The following SYT16 variants were observed in gnomAD, a reference collection of about 807,000 sequenced individuals.
SYT16 encodes synaptotagmin-16.
In SYT16, 42 loss-of-function variants were observed where a neutral mutation model predicts 61.4. The ratio of observed to expected loss-of-function variants is 0.68; its 90% CI spans 0.53 to 0.89. The LOEUF (loss-of-function observed/expected upper bound fraction) is 0.89. Among genes scored for constraint, SYT16 ranks in the 40% least tolerant of loss-of-function variants. The pLI is 0.00. For synonymous variants in SYT16, 314 were observed against 302.3 expected (o/e 1.04, Z -0.40); for missense variants, 804 against 807.3 (o/e 1.00, Z 0.05).
At chr14:62,021,183 C>T (rs1017812738) in intron 3 of SYT16, among the ~76,000 whole-genome samples, 4 of 152,122 alleles carry the variant, frequency 2.6e-5, no homozygotes, top group Admixed American at 6.5e-5. Flanking sequence ...ATTGCTTTTA[C>T]GGTCACAATC....
At chr14:61,912,015 A>G (rs1201009077) in intron 1 of SYT16, among the ~76,000 whole-genome samples, 1 of 152,204 alleles carries the variant, frequency 6.6e-6, no homozygotes, top group Non-Finnish European at 1.5e-5. Context: ...GTACCTTACA[A>G]GACAGGCTGG....
chr14:62,018,298 C>CTTTTTTTTTTTTTTTTTTTTT lies in SYT16; in HGVS notation c.523+21764_523+21784dup, dbSNP rs776473522. On this transcript the variant is annotated intron_variant, in intron 3 of 7. Coordinates refer to ENST00000683842, the MANE Select transcript of SYT16 (RefSeq NM_001367656.1). ...GGGTCTTTCTCTTCTTCTTCTTCTT[C>CTTTTTTTTTTTTTTTTTTTTT]TTTTTTTTTTTTTTTTTTTTTTTTT... 7.7e-5 allele frequency among the ~76,000 whole-genome samples: 4 copies of CTTTTTTTTTTTTTTTTTTTTT among 51,642 alleles called. 1 individual carries two copies. The highest frequency in any genetic ancestry group is 6.0e-4 in the Admixed American group (2 of 3,326). 33.9% of individuals were successfully genotyped at this position (51,642 alleles called of 152,430 possible).
At chr14:61,921,417 A>C (rs1303690660) in intron 1 of SYT16, among the ~76,000 whole-genome samples, 2 of 152,192 alleles carry the variant, frequency 1.3e-5, no homozygotes, top group African/African-American at 4.8e-5. Context: ...GTTACTAATC[A>C]TAAGCAAGGG....
intron 1 of SYT16, among the ~76,000 whole-genome samples, chr14:61,839,642 T>C (rs1274441486): frequency 6.6e-6 from 1 of 152,146 alleles, no homozygotes; most frequent in African/African-American, 2.4e-5. Flanking sequence ...TGATGCACGT[T>C]TTGGAATTAT....
At chr14:61,853,304 C>T (rs2046673598) in intron 1 of SYT16, among the ~76,000 whole-genome samples, 1 of 152,178 alleles carries the variant, frequency 6.6e-6, no homozygotes, top group South Asian at 2.1e-4. Flanking sequence ...CACTGGGGCC[C>T]TTTAGAGGCT....
chr14:61,927,705 ACACT>A (rs1435068219), intron 1 of SYT16, among the ~76,000 whole-genome samples: 1 of 152,166 alleles, frequency 6.6e-6, no homozygotes, highest in Non-Finnish European at 1.5e-5. Context: ...GGTGAGTCTC[ACACT>A]CAAGTAAGCA....
rs1174757824 is a variant in SYT16, at chr14:62,106,666, G to A, written c.*5959G>A. On this transcript the variant is annotated 3_prime_UTR_variant, in exon 8 of 8. Transcript: ENST00000683842. ...CATCATAGAAAGTTTTCTCTGAAGA[G>A]TTCCTATTTGGGTTTTGTTTAGGGC... 1 of 152,184 alleles carries A rather than the reference G, an allele frequency of 6.6e-6. No individual in the cohort carries two copies. Among genetic ancestry groups the A allele is most frequent in the East Asian group, 1.9e-4 (1 of 5,192 alleles). The allele number at this position is 152,184 out of a possible 1,614,324, so 9.4% of individuals were successfully genotyped here. A position where few individuals can be genotyped will look rare whatever the true frequency, so the allele number is the denominator to read the frequency against.
intron 1 of SYT16, among the ~76,000 whole-genome samples, chr14:61,836,336 C>T (rs1342759508): frequency 5.9e-5 from 9 of 152,134 alleles, no homozygotes; most frequent in Non-Finnish European, 2.9e-5. Flanking sequence ...TGGCCCAGAT[C>T]GGCAAAGGAA....
chr14:62,102,586 G>T lies in SYT16; in HGVS notation c.*1879G>T, dbSNP rs2057442215. ...TCATTGAGTAGAACTGAGTGCGATT[G>T]ATTAAGTAGCAGCACAAAGAAGTGG... On this transcript the variant is annotated 3_prime_UTR_variant, in exon 8 of 8. Transcript: ENST00000683842. 6.6e-6 allele frequency: 1 copy of T among 152,092 alleles called. No homozygotes were observed. Among genetic ancestry groups the T allele is most frequent in the South Asian group, 2.1e-4 (1 of 4,822 alleles). 9.4% of individuals were successfully genotyped at this position (152,092 alleles called of 1,614,324 possible).
At chr14:61,813,699 G>A (rs1054562615) in intron 1 of SYT16, among the ~76,000 whole-genome samples, 9 of 152,060 alleles carry the variant, frequency 5.9e-5, no homozygotes, top group African/African-American at 2.2e-4. Flanking sequence ...CCAGGAGTGC[G>A]AGGCTGCTGT....
rs137902670 is a variant in SYT16, at chr14:61,943,873, T to C, written c.-324-26259T>C. On this transcript the variant is annotated intron_variant, in intron 1 of 7. Coordinates refer to ENST00000683842, the MANE Select transcript of SYT16 (RefSeq NM_001367656.1). ...CTCCTTTTCAAGATAATATTGAAAG[T>C]TCTGGCCAGGGCAATCAGGCAAGAG... Among the ~76,000 whole-genome samples, 84 of 152,316 alleles carry C rather than the reference T, an allele frequency of 5.5e-4. No individual in the cohort carries two copies. In the East Asian group the frequency reaches 0.015, roughly 28 times the overall value.
intron 1 of SYT16, among the ~76,000 whole-genome samples, chr14:61,945,147 C>T (rs1400152203): frequency 6.6e-6 from 1 of 152,216 alleles, no homozygotes; most frequent in Admixed American, 6.5e-5. Context: ...CTCATCATCA[C>T]TGGTCATTTG....
intron 1 of SYT16, among the ~76,000 whole-genome samples, chr14:61,885,577 T>A (rs1369076545): frequency 3.3e-5 from 5 of 152,176 alleles, no homozygotes; most frequent in African/African-American, 1.2e-4. Context: ...CAAGGAGACA[T>A]TTAGAAAACA....
intron 1 of SYT16, among the ~76,000 whole-genome samples, chr14:61,925,034 T>A (rs906596367): frequency 3.9e-5 from 6 of 152,220 alleles, no homozygotes; most frequent in African/African-American, 1.4e-4. Context: ...CTTAGTTATA[T>A]GGTTTCATCC....
intron 1 of SYT16, among the ~76,000 whole-genome samples, chr14:61,829,956 AT>A (rs2045888048): frequency 6.6e-6 from 1 of 152,050 alleles, no homozygotes; most frequent in African/African-American, 2.4e-5. Context: ...GCCCGGCTTT[AT>A]TGATATATTT....
At position 61,996,239 on chromosome 14, in the gene SYT16, A is replaced by G; in HGVS notation, c.220A>G (p.Asn74Asp). The G allele has an allele frequency of 6.2e-7, 1 of 1,613,642 alleles. No homozygotes were observed. The highest frequency in any genetic ancestry group is 8.5e-7 in the Non-Finnish European group (1 of 1,179,648). ...GTACTTTGAAGATGAAGAACAAGAC[A>G]ATGATTGGAGTCAAGAGGATGCAAA... ...ETYFEDEEQD[N>D]DWSQEDANSL... is the part of the protein sequence containing the mutation. The change falls in exon 3 of 8, where the codon AAT (asparagine) becomes GAT (aspartate). Residue 74 changes from asparagine to aspartate, a missense_variant. Asn to Asp is a conservative substitution (Grantham distance 23). Transcript: ENST00000683842.
At chr14:61,864,331 T>C (rs1359464650) in intron 1 of SYT16, among the ~76,000 whole-genome samples, 3 of 152,202 alleles carry the variant, frequency 2.0e-5, no homozygotes, top group Non-Finnish European at 4.4e-5. Context: ...CCAGAACGAC[T>C]GGTTTCGGTG....
At chr14:62,062,900 G>C (rs2055889104) in intron 3 of SYT16, among the ~76,000 whole-genome samples, 1 of 152,126 alleles carries the variant, frequency 6.6e-6, no homozygotes, top group African/African-American at 2.4e-5. Flanking sequence ...GCTCCTATGT[G>C]GGTGGGAAGG....
At chr14:61,991,319 C>CT (rs2052540770) in intron 2 of SYT16, among the ~76,000 whole-genome samples, 1 of 126,740 alleles carries the variant, frequency 7.9e-6, no homozygotes, top group Non-Finnish European at 1.6e-5. Context: ...GACTTTTTTT[C>CT]TGTTTTTCAT....
Sources: allele counts gnomAD v4.1 joint callset (sites outside exome capture counted in the v4.1 genomes callset), GRCh38; gene constraint gnomAD v4.1.1; transcripts MANE v1.5; gene names NCBI Gene and HGNC (gene_info 2026-07-23, HGNC 2026-07-21).